MYLK4: variants seen among roughly 807,000 people sequenced by gnomAD.
The protein encoded by MYLK4 is caMLCK like.
MYLK4 carries 46 observed loss-of-function variants against 48.1 expected under a neutral mutation model. The ratio of observed to expected loss-of-function variants is 0.96; its 90% CI spans 0.75 to 1.22. The LOEUF is 1.22. MYLK4 is among the 50% of genes most tolerant of loss of function. The pLI is 0.00. For missense variants in MYLK4, 451 were observed against 486.1 expected, an observed-to-expected ratio of 0.93 and a Z score of 0.68; for synonymous variants, 170 against 180.8, an observed-to-expected ratio of 0.94 and a Z score of 0.48.
chr6:2,716,192 A>C (rs1762857780), intron 2 of MYLK4, among the ~76,000 whole-genome samples: 1 of 152,224 alleles, frequency 6.6e-6, no homozygotes, highest in South Asian at 2.1e-4. Context: ...TGAGGTTACT[A>C]CCATGTGGTC....
chr6:2,740,068 G>A (rs528692434), intron 2 of MYLK4, among the ~76,000 whole-genome samples: 90 of 152,334 alleles, frequency 5.9e-4, no homozygotes, highest in African/African-American at 2.1e-3. Context: ...CCTTCATGGT[G>A]GCATAGAGTG....
At chr6:2,680,487 C>T (rs1761254510) in intron 7 of MYLK4, 196 bp from the exon 8 acceptor site, 1 of 985,306 alleles carries the variant, frequency 1.0e-6, no homozygotes, top group Admixed American at 6.1e-5. Flanking sequence ...GCCAACCCTG[C>T]ATTATCCAGC....
At chr6:2,738,113 G>T (rs1370360634) in intron 2 of MYLK4, among the ~76,000 whole-genome samples, 2 of 152,038 alleles carry the variant, frequency 1.3e-5, no homozygotes, top group African/African-American at 4.8e-5. Context: ...TGTGAAACTA[G>T]ATTGCACAGT....
upstream of MYLK4, among the ~76,000 whole-genome samples, chr6:2,752,222 G>A (rs1339888024): frequency 6.6e-6 from 1 of 152,152 alleles, no homozygotes; most frequent in Non-Finnish European, 1.5e-5. Flanking sequence ...TTTCCTTTTA[G>A]AGTAGTTTTA....
At chr6:2,765,172 T>A in the MYLK4 span, among the ~76,000 whole-genome samples, 2 of 123,954 alleles carry the variant, frequency 1.6e-5, no homozygotes, top group Non-Finnish European at 1.7e-5. Context: ...CGCACCACGC[T>A]CGCCTCGCAA....
intron 8 of MYLK4, 32 bp downstream of exon 8, chr6:2,680,189 C>A: frequency 6.2e-7 from 1 of 1,612,740 alleles, no homozygotes; most frequent in South Asian, 1.1e-5. Flanking sequence ...TCCCCCAGCT[C>A]CATTCGTACA....
chr6:2,680,359 C>T, intron 7 of MYLK4, 68 bp from the exon 8 acceptor site: 1 of 1,605,944 alleles, frequency 6.2e-7, no homozygotes, highest in Admixed American at 1.7e-5. Flanking sequence ...CCTTGAACCA[C>T]AACTAAAAAT....
the MYLK4 span, among the ~76,000 whole-genome samples, chr6:2,766,888 C>G: frequency 2.0e-5 from 3 of 151,718 alleles, no homozygotes; most frequent in Admixed American, 2.0e-4. Flanking sequence ...CAAATTAATT[C>G]TGTTGTGCTT....
At chr6:2,735,758 G>A (rs1763648341) in intron 2 of MYLK4, among the ~76,000 whole-genome samples, 1 of 152,172 alleles carries the variant, frequency 6.6e-6, no homozygotes, top group Non-Finnish European at 1.5e-5. Flanking sequence ...ATCAACTGTG[G>A]TGGGATTTAA....
chr6:2,702,881 A>G (rs1025134727), intron 2 of MYLK4, among the ~76,000 whole-genome samples: 1 of 152,224 alleles, frequency 6.6e-6, no homozygotes, highest in Non-Finnish European at 1.5e-5. Flanking sequence ...GATATGCTTA[A>G]GCCCTCAATA....
intron 2 of MYLK4, among the ~76,000 whole-genome samples, chr6:2,699,287 C>CTTTTTTTTTTTTTTTCTTTTTTTTTT (rs1762189066): frequency 1.3e-5 from 1 of 77,894 alleles, no homozygotes; most frequent in Non-Finnish European, 2.2e-5. Flanking sequence ...CTTTTCTTTT[C>CTTTTTTTTTTTTTTTCTTTTTTTTTT]TTTTTTTTTT....
chr6:2,762,956 C>T, the MYLK4 span, among the ~76,000 whole-genome samples: 7 of 152,066 alleles, frequency 4.6e-5, no homozygotes, highest in African/African-American at 1.4e-4. Context: ...ACCCAAACAC[C>T]AGCTAATGCA....
At chr6:2,751,142 C>T (rs1039468438), upstream of MYLK4, among the ~76,000 whole-genome samples, 2 of 152,170 alleles carry the variant, frequency 1.3e-5, no homozygotes, top group Non-Finnish European at 2.9e-5. Context: ...TCAATACTCT[C>T]GGATTTACAA....
the MYLK4 span, chr6:2,768,645 T>G: frequency 6.6e-7 from 1 of 1,520,710 alleles, no homozygotes. Flanking sequence ...CTGGTCTCTC[T>G]GTGTCTTACC....
rs980788459 is a variant in MYLK4 at position 2,724,571 on chromosome 6, C to T, written c.159+24565G>A. Among the ~76,000 whole-genome samples, 6 of 152,310 alleles carry T rather than the reference C, an allele frequency of 3.9e-5. No homozygotes were observed. In the South Asian group the frequency reaches 1.2e-3, roughly 32 times the overall value. On this transcript the variant is annotated intron_variant, in intron 2 of 12. Coordinates refer to ENST00000274643, the MANE Select transcript of MYLK4 (RefSeq NM_001012418.5). ...GCTTTTTACTCCCAAGTTAAAATCA[C>T]ACTACAGAAATCCATCCTTCAGACT...
the MYLK4 span, among the ~76,000 whole-genome samples, chr6:2,767,716 C>T: frequency 6.6e-6 from 1 of 152,274 alleles, no homozygotes; most frequent in East Asian, 1.9e-4. Flanking sequence ...GTTGGTGGCC[C>T]CAGACAGCAA....
intron 3 of MYLK4, among the ~76,000 whole-genome samples, chr6:2,691,112 G>C (rs374561128): frequency 7.9e-5 from 12 of 152,162 alleles, no homozygotes; most frequent in African/African-American, 2.7e-4. Flanking sequence ...TTACAGGCGT[G>C]AGCCACCGCA....
At chr6:2,691,922 G>A (rs188851589) in intron 3 of MYLK4, among the ~76,000 whole-genome samples, 55 of 152,200 alleles carry the variant, frequency 3.6e-4, no homozygotes, top group Non-Finnish European at 6.0e-4. Flanking sequence ...GCCTTAAACC[G>A]CAATGGCACA....
At chr6:2,755,534 G>A (rs903190716), upstream of MYLK4, among the ~76,000 whole-genome samples, 6 of 152,054 alleles carry the variant, frequency 3.9e-5, no homozygotes, top group South Asian at 2.1e-4. Context: ...TGGTCATTCC[G>A]TTTATTTTAT....
Sources: allele counts gnomAD v4.1 joint callset (sites outside exome capture counted in the v4.1 genomes callset), GRCh38; gene constraint gnomAD v4.1.1; transcripts MANE v1.5; gene names NCBI Gene and HGNC (gene_info 2026-07-23, HGNC 2026-07-21).